TEX10: variants seen among roughly 807,000 people sequenced by gnomAD.
TEX10 encodes the protein testis expressed 10.
A neutral mutation model predicts 104.4 loss-of-function variants in TEX10; 24 were observed. That is an observed-to-expected ratio of 0.23 (90% confidence interval 0.17 to 0.32). TEX10 has a LOEUF of 0.32. TEX10 is among the 10% of genes least tolerant of loss of function. The probability of loss-of-function intolerance (pLI) is 1.00; values close to 1 mark genes in which losing one functional copy is unlikely to be tolerated. For synonymous variants in TEX10, 396 were observed against 393.4 expected, an observed-to-expected ratio of 1.01 and a Z score of -0.08; for missense variants, 921 against 1,083.9, an observed-to-expected ratio of 0.85 and a Z score of 2.11.
Position 100,329,279 on chromosome 9 carries a change from C to A in TEX10, c.1490-4G>T. 1 of 1,589,306 alleles carries A rather than the reference C, an allele frequency of 6.3e-7. No individual in the cohort carries two copies. The highest frequency in any genetic ancestry group is 1.2e-5 in the South Asian group (1 of 85,332). On this transcript the variant is annotated splice_region_variant and splice_polypyrimidine_tract_variant and intron_variant, in intron 6 of 14. Transcript: ENST00000374902. ...TTAATAAGAGTCTCTGTGTCCTCTA[C>A]AAACAGAAAGAAAACAACTTGCATA...
intron 5 of TEX10, among the ~76,000 whole-genome samples, chr9:100,339,274 A>AAAAT (rs1835101688): frequency 4.4e-5 from 4 of 91,702 alleles, no homozygotes; most frequent in Non-Finnish European, 8.7e-5. Flanking sequence ...AAAAAAAAAA[A>AAAAT]GTATATATAT....
Position 100,346,161 on chromosome 9 carries a change from G to A in TEX10, c.1048C>T (p.Arg350Ter). ...TGCTGCATAACCTGTAGAGGTTCTC[G>A]TTCTATACCATTCCCAACAGGAGTA... ...LATPVGNGIE[R>*]EPLQVMQQVL... The change falls in exon 4 of 15, where the codon CGA (arginine) becomes TGA (stop). Residue 350 changes from arginine to a stop codon, truncating the protein, a stop_gained. Coordinates refer to ENST00000374902, the MANE Select transcript of TEX10 (RefSeq NM_017746.4). LOFTEE classifies it high-confidence loss of function. The A allele has an allele frequency of 1.9e-6, 3 of 1,613,938 alleles. No individual in the cohort carries two copies. Among genetic ancestry groups the A allele is most frequent in the South Asian group, 1.1e-5 (1 of 91,066 alleles).
At chr9:100,303,500 C>CAT (rs1834065515) in intron 14 of TEX10, 132 bp downstream of exon 14, 2 of 914,696 alleles carry the variant, frequency 2.2e-6, no homozygotes, top group Admixed American at 1.8e-5. Flanking sequence ...GAGAAACTAC[C>CAT]ATATTGGGAT....
chr9:100,341,123 C>T (rs541312144), intron 4 of TEX10, among the ~76,000 whole-genome samples: 34 of 152,290 alleles, frequency 2.2e-4, no homozygotes, highest in African/African-American at 7.5e-4. Context: ...CCCATTACCA[C>T]GCTCGGCTAA....
At chr9:100,313,502 T>G (rs1328109542) in intron 11 of TEX10, among the ~76,000 whole-genome samples, 5 of 128,434 alleles carry the variant, frequency 3.9e-5, no homozygotes, top group South Asian at 2.4e-4. Context: ...GCAACAAGAG[T>G]GAAACTTGGT....
chr9:100,313,482 G>A lies in TEX10; in HGVS notation c.2203-3103C>T, dbSNP rs558971056. Among the ~76,000 whole-genome samples, 458 of 148,482 alleles carry A rather than the reference G, an allele frequency of 3.1e-3. 4 individuals are homozygous for A. Among genetic ancestry groups the A allele is most frequent in the Non-Finnish European group, 4.2e-3 (286 of 67,300 alleles). On this transcript the variant is annotated intron_variant, in intron 11 of 14. Transcript: ENST00000374902. ...GTGAGCAGAGATCGTGCCATTGTAC[G>A]CCAGCCTGGGCAACAAGAGTGAAAC...
chr9:100,308,277 T>C (rs1294089602), intron 13 of TEX10, among the ~76,000 whole-genome samples: 1 of 152,120 alleles, frequency 6.6e-6, no homozygotes, highest in East Asian at 1.9e-4. Flanking sequence ...GTTTTCAAAT[T>C]TGTAACTTAA....
chr9:100,314,095 T>A (rs577596723), intron 11 of TEX10, among the ~76,000 whole-genome samples: 1 of 150,456 alleles, frequency 6.6e-6, no homozygotes, highest in African/African-American at 2.4e-5. Context: ...TTTTCTTTTT[T>A]TTTTTTTTTT....
At chr9:100,302,354 C>G (rs925311972) in intron 14 of TEX10, 50 bp from the exon 15 acceptor site, 12 of 1,316,122 alleles carry the variant, frequency 9.1e-6, no homozygotes, top group Non-Finnish European at 1.3e-5. Flanking sequence ...AATCACTATG[C>G]TACCTGACAG....
At chr9:100,332,583 A>G (rs1834893702) in intron 5 of TEX10, among the ~76,000 whole-genome samples, 1 of 152,176 alleles carries the variant, frequency 6.6e-6, no homozygotes, top group Non-Finnish European at 1.5e-5. Flanking sequence ...ACACTCTGGG[A>G]GGCCGAGGTG....
At chr9:100,337,214 TCTAC>T (rs556246128) in intron 5 of TEX10, among the ~76,000 whole-genome samples, 2 of 152,338 alleles carry the variant, frequency 1.3e-5, no homozygotes, top group South Asian at 4.1e-4. Context: ...GAGCTGGTAC[TCTAC>T]CTATTTCCTT....
chr9:100,329,109 A>G (rs1834783519), intron 7 of TEX10, 31 bp downstream of exon 7: 2 of 1,566,724 alleles, frequency 1.3e-6, no homozygotes, highest in African/African-American at 1.4e-5. Flanking sequence ...TCAGCAAGAG[A>G]AAAAAGAAAG....
At chr9:100,325,764 C>T (rs556438972) in intron 9 of TEX10, among the ~76,000 whole-genome samples, 31 of 152,168 alleles carry the variant, frequency 2.0e-4, no homozygotes, top group East Asian at 1.2e-3. Context: ...CTTCTGACCT[C>T]GTGATCTGCC....
At chr9:100,303,564 C>T in intron 14 of TEX10, 68 bp downstream of exon 14, 1 of 1,550,416 alleles carries the variant, frequency 6.4e-7, no homozygotes, top group Non-Finnish European at 8.9e-7. Flanking sequence ...ACACACTTTC[C>T]CCCATGCCCC....
intron 13 of TEX10, chr9:100,306,244 A>G (rs1834141180): frequency 6.6e-6 from 1 of 152,166 alleles, no homozygotes; most frequent in South Asian, 2.1e-4. Flanking sequence ...AAATAGAAAC[A>G]ATGGGGGAAG....
chr9:100,316,276 T>G (rs555320377), intron 11 of TEX10, among the ~76,000 whole-genome samples: 1 of 152,242 alleles, frequency 6.6e-6, no homozygotes, highest in East Asian at 1.9e-4. Context: ...ACAAAAACCA[T>G]ATGATCATTT....
In TEX10 at chr9:100,346,951, T is replaced by C; in HGVS notation, c.636A>G (p.Val212=). 2 of 1,614,248 alleles carry C rather than the reference T, an allele frequency of 1.2e-6. No individual in the cohort carries two copies. The highest frequency in any genetic ancestry group is 2.2e-5 in the East Asian group (1 of 44,886). ...RDRSQSWILS[V]NPNRRLTSQQ... ...GAGAAGTGAGTCTCCGATTAGGATT[T>C]ACAGAAAGTATCCAGGACTGGGATC... is the stretch of plus-strand genomic sequence containing the variant. The change falls in exon 3 of 15, where the codon GTA becomes GTG. Residue 212 remains valine, a synonymous_variant. Transcript: ENST00000374902.
At chr9:100,302,414 C>T in intron 14 of TEX10, 110 bp from the exon 15 acceptor site, 3 of 663,118 alleles carry the variant, frequency 4.5e-6, no homozygotes, top group Non-Finnish European at 7.7e-6. Flanking sequence ...AACTGTATCC[C>T]CATCTGTAAA....
intron 9 of TEX10, among the ~76,000 whole-genome samples, chr9:100,323,104 C>T (rs1834613084): frequency 6.6e-6 from 1 of 152,086 alleles, no homozygotes; most frequent in African/African-American, 2.4e-5. Context: ...TCTTCTTGAC[C>T]TCAATGAAAA....
Sources: gnomAD v4.1 joint callset for allele counts (sites outside exome capture counted in the v4.1 genomes callset) on GRCh38, gnomAD v4.1.1 for gene constraint, MANE v1.5 for transcripts, NCBI Gene and HGNC (gene_info 2026-07-23, HGNC 2026-07-21) for gene names.